The following UBE2D2 variants were observed in gnomAD, a reference collection of about 807,000 sequenced individuals.
The protein encoded by UBE2D2 is ubiquitin conjugating enzyme E2 D2, also known as ubiquitin-conjugating enzyme E2 D2.
Under a neutral mutation model 24.2 loss-of-function variants are expected in UBE2D2, and 2 were observed. The observed-to-expected ratio is 0.08, with a 90% CI of 0.03 to 0.26. The LOEUF is 0.26. Among genes scored for constraint, UBE2D2 ranks in the 10% least tolerant of loss-of-function variants. UBE2D2 has a pLI of 1.00. For synonymous variants in UBE2D2, 58 were observed against 56.5 expected (o/e 1.03, Z -0.12); for missense variants, 44 against 177.6 (o/e 0.25, Z 4.28).
At chr5:139,552,295 TG>T (rs1752929361) in intron 1 of UBE2D2, among the ~76,000 whole-genome samples, 1 of 151,964 alleles carries the variant, frequency 6.6e-6, no homozygotes, top group South Asian at 2.1e-4. Flanking sequence ...CCCGCGCAGC[TG>T]GGATTACAGG....
intron 1 of UBE2D2, among the ~76,000 whole-genome samples, chr5:139,571,618 A>C (rs1303360827): frequency 6.6e-6 from 1 of 152,166 alleles, no homozygotes; most frequent in African/African-American, 2.4e-5. Flanking sequence ...TTGACTGTAG[A>C]GCTATTGTGT....
At chr5:139,586,350 A>T (rs968015571) in intron 1 of UBE2D2, among the ~76,000 whole-genome samples, 2 of 152,204 alleles carry the variant, frequency 1.3e-5, no homozygotes, top group African/African-American at 4.8e-5. Context: ...CCCATAGCTG[A>T]CTTTTCTTAC....
chr5:139,603,360 C>T (rs1754121208), intron 2 of UBE2D2, among the ~76,000 whole-genome samples: 1 of 152,132 alleles, frequency 6.6e-6, no homozygotes, highest in South Asian at 2.1e-4. Context: ...ATAAAACTCT[C>T]CCACAGCCGA....
chr5:139,625,424 A>AC (rs1561523477), intron 6 of UBE2D2, among the ~76,000 whole-genome samples: 5 of 19,536 alleles, frequency 2.6e-4, no homozygotes, highest in African/African-American at 6.3e-4. Flanking sequence ...CAGCATACCC[A>AC]CCCCCACCCC....
intron 1 of UBE2D2, among the ~76,000 whole-genome samples, chr5:139,555,289 C>T (rs958630883): frequency 5.9e-5 from 9 of 152,116 alleles, no homozygotes; most frequent in Non-Finnish European, 1.0e-4. Context: ...GATCCACCCA[C>T]CTTGGCCTCC....
At chr5:139,531,486 T>G (rs189806947) in intron 1 of UBE2D2, among the ~76,000 whole-genome samples, 38 of 152,174 alleles carry the variant, frequency 2.5e-4, no homozygotes, top group Middle Eastern at 3.4e-3. Context: ...AGGCAGTAGC[T>G]TGCCGATGCT....
intron 2 of UBE2D2, chr5:139,612,123 C>G (rs745792479): frequency 5.4e-6 from 1 of 185,878 alleles, no homozygotes; most frequent in Non-Finnish European, 1.2e-5. Context: ...ATAGGCCTCA[C>G]TTGCCTCCTG....
chr5:139,608,398 A>C (rs186580191), intron 2 of UBE2D2, among the ~76,000 whole-genome samples: 1 of 151,968 alleles, frequency 6.6e-6, no homozygotes, highest in East Asian at 1.9e-4. Context: ...GTGCCATTGC[A>C]CTCCAGCCTT....
At chr5:139,543,896 A>AG (rs1752788916) in intron 1 of UBE2D2, among the ~76,000 whole-genome samples, 1 of 152,124 alleles carries the variant, frequency 6.6e-6, no homozygotes, top group Non-Finnish European at 1.5e-5. Context: ...TGTTCACTTC[A>AG]TTTTCTTTTC....
At chr5:139,538,246 A>G (rs1752711541) in intron 1 of UBE2D2, among the ~76,000 whole-genome samples, 1 of 152,070 alleles carries the variant, frequency 6.6e-6, no homozygotes, top group Admixed American at 6.6e-5. Context: ...AGCCTCCCAA[A>G]GTGCTGGGAT....
intron 2 of UBE2D2, among the ~76,000 whole-genome samples, chr5:139,601,172 A>G (rs951410325): frequency 3.9e-5 from 6 of 152,226 alleles, no homozygotes; most frequent in African/African-American, 1.4e-4. Context: ...ATCTTAATGC[A>G]TACATTAGAT....
chr5:139,598,442 T>C (rs1754003538), intron 1 of UBE2D2, among the ~76,000 whole-genome samples: 2 of 151,912 alleles, frequency 1.3e-5, no homozygotes, highest in South Asian at 4.2e-4. Context: ...TCAGGCATCC[T>C]CACCCAATAA....
chr5:139,529,787 C>T (rs1414134840), intron 1 of UBE2D2, among the ~76,000 whole-genome samples: 2 of 152,122 alleles, frequency 1.3e-5, no homozygotes, highest in Non-Finnish European at 2.9e-5. Flanking sequence ...TTCAGTATTT[C>T]ATGATGAACT....
intron 1 of UBE2D2, among the ~76,000 whole-genome samples, chr5:139,591,792 A>G (rs1441943970): frequency 6.6e-6 from 1 of 152,208 alleles, no homozygotes; most frequent in Non-Finnish European, 1.5e-5. Flanking sequence ...TGCTGGGAAC[A>G]TAAGCAAGTA....
chr5:139,576,888 G>A (rs1581503577), intron 1 of UBE2D2, among the ~76,000 whole-genome samples: 2 of 149,370 alleles, frequency 1.3e-5, no homozygotes, highest in South Asian at 2.1e-4. Flanking sequence ...CTGTCAGTTG[G>A]TGTTTTGAAT....
rs748698496 is a variant in UBE2D2 at position 139,581,444 on chromosome 5, G to A, written c.25-18928G>A. Among the ~76,000 whole-genome samples the A allele has an allele frequency of 6.7e-4, 102 of 151,164 alleles. 1 individual carries two copies. Among genetic ancestry groups the A allele is most frequent in the African/African-American group, 2.3e-3 (95 of 41,228 alleles). Reference sequence around the variant, plus strand: ...AGCCTGGGTGACAGAGCAAGACTCCGTCTCAAAAAAAAAAAGTAGAGGTTG... The same window carrying A: ...AGCCTGGGTGACAGAGCAAGACTCCATCTCAAAAAAAAAAAGTAGAGGTTG... On this transcript the variant is annotated intron_variant, in intron 1 of 6. Coordinates refer to ENST00000398733, the MANE Select transcript of UBE2D2 (RefSeq NM_003339.3).
intron 1 of UBE2D2, among the ~76,000 whole-genome samples, chr5:139,590,782 CTTTTTTTTTTT>C (rs57962602): frequency 2.4e-3 from 92 of 38,418 alleles, no homozygotes; most frequent in East Asian, 0.016. Context: ...TTCTCTTCTT[CTTTTTTTTTTT>C]TTTTTTTTTT....
intron 1 of UBE2D2, among the ~76,000 whole-genome samples, chr5:139,595,889 G>GTTTTTTTTTTT (rs1561514902): frequency 8.8e-6 from 1 of 113,020 alleles, no homozygotes; most frequent in African/African-American, 3.6e-5. Context: ...TTTGTTTTTT[G>GTTTTTTTTTTT]TTGTTTTTTT....
intron 1 of UBE2D2, among the ~76,000 whole-genome samples, chr5:139,574,961 T>G (rs1282449789): frequency 6.6e-6 from 1 of 152,142 alleles, no homozygotes; most frequent in Non-Finnish European, 1.5e-5. Context: ...GCAGTTTTAT[T>G]CACAGTACCC....
Sources: gnomAD v4.1 joint callset for allele counts (sites outside exome capture counted in the v4.1 genomes callset) on GRCh38, gnomAD v4.1.1 for gene constraint, MANE v1.5 for transcripts, NCBI Gene and HGNC (gene_info 2026-07-23, HGNC 2026-07-21) for gene names.